Variants in ZNF141 observed in about 807,000 individuals in gnomAD.
ZNF141 encodes the protein zinc finger protein 141, also known as zinc finger protein 141 (clone pHZ-44).
Under a neutral mutation model 11.3 loss-of-function variants are expected in ZNF141, and 7 were observed. That is an observed-to-expected ratio of 0.62 (90% confidence interval 0.35 to 1.16). The LOEUF (loss-of-function observed/expected upper bound fraction) is 1.16. Among genes scored for constraint, ZNF141 ranks in the 50% most tolerant of loss-of-function variants. The pLI, the probability that ZNF141 is intolerant of heterozygous loss-of-function variation, is 0.02. For missense variants in ZNF141, 535 were observed against 554.0 expected (o/e 0.97, Z 0.34); for synonymous variants, 183 against 190.7 (o/e 0.96, Z 0.33).
chr4:372,606 A>C (rs757030924), intron 3 of ZNF141, 58 bp from the exon 4 acceptor site: 2 of 1,348,204 alleles, frequency 1.5e-6, no homozygotes, highest in African/African-American at 2.9e-5. Flanking sequence ...TAAGATTTGT[A>C]AAGTATATTT....
intron 3 of ZNF141, among the ~76,000 whole-genome samples, chr4:367,326 ATG>A (rs1711792509): frequency 6.6e-6 from 1 of 152,048 alleles, no homozygotes; most frequent in Admixed American, 6.6e-5. Context: ...TGTTCTGTTT[ATG>A]TGTGTTCAAT....
intron 3 of ZNF141, among the ~76,000 whole-genome samples, chr4:365,128 C>G (rs1553852788): frequency 6.6e-6 from 1 of 152,198 alleles, no homozygotes; most frequent in East Asian, 1.9e-4. Context: ...GGGTGTGGGA[C>G]CTGGCAAGCC....
chr4:342,568 T>A (rs898264911), intron 1 of ZNF141, among the ~76,000 whole-genome samples: 1 of 152,190 alleles, frequency 6.6e-6, no homozygotes, highest in Non-Finnish European at 1.5e-5. Flanking sequence ...AGAATTTTGT[T>A]ACTTACAGTG....
At chr4:338,341 A>G (rs1720889837) in intron 1 of ZNF141, 3 of 276,562 alleles carry the variant, frequency 1.1e-5, no homozygotes, top group Non-Finnish European at 2.1e-5. Flanking sequence ...CCCTGTTCGG[A>G]ATGAGATCGA....
Position 375,226 on chromosome 4 carries a change from G to A in ZNF141, c.*1364G>A, listed in dbSNP as rs1253407223. ...ACTTCAGAAAATATAGGCCTTTAAA[G>A]TGAAGAAGAGTATTCTTAAGACAAA... On this transcript the variant is annotated 3_prime_UTR_variant, in exon 4 of 4. Coordinates refer to ENST00000240499, the MANE Select transcript of ZNF141 (RefSeq NM_003441.4). The A allele has an allele frequency of 2.0e-5, 3 of 152,042 alleles. No individual in the cohort carries two copies. Among genetic ancestry groups the A allele is most frequent in the African/African-American group, 7.2e-5 (3 of 41,410 alleles). 9.4% of individuals were successfully genotyped at this position (152,042 alleles called of 1,614,324 possible).
intron 3 of ZNF141, among the ~76,000 whole-genome samples, chr4:347,865 T>G (rs574719380): frequency 6.6e-6 from 1 of 152,040 alleles, no homozygotes; most frequent in Non-Finnish European, 1.5e-5. Context: ...TTTTTTTTTT[T>G]GGAGACAGAA....
In ZNF141 at chr4:343,674, G is replaced by A. The variant is rs562017974; in HGVS notation, c.4-108G>A. On this transcript the variant is annotated intron_variant, in intron 1 of 3. Transcript: ENST00000240499. ...TGGGAGGCGGAGCTTGCAGTGAGCCGAGACTGCGCCGCTGCACTCCAGCCT... is the reference window on the plus strand; with the variant it reads ...TGGGAGGCGGAGCTTGCAGTGAGCCAAGACTGCGCCGCTGCACTCCAGCCT... The A allele has an allele frequency of 8.3e-5, 104 of 1,257,074 alleles. 1 individual carries two copies. The South Asian group carries it at 1.2e-3, about 15-fold the overall frequency. The allele number at this position is 1,257,074 out of a possible 1,614,324, so 77.9% of individuals were successfully genotyped here.
chr4:342,978 C>T (rs561726595), intron 1 of ZNF141: 1 of 1,375,484 alleles, frequency 7.3e-7, no homozygotes. Context: ...TTTTTAAAAT[C>T]AGTTCCTTGC....
At chr4:364,599 T>G (rs1711636656) in intron 3 of ZNF141, among the ~76,000 whole-genome samples, 1 of 152,208 alleles carries the variant, frequency 6.6e-6, no homozygotes, top group South Asian at 2.1e-4. Flanking sequence ...TTTATTAGTC[T>G]TTATTACTCT....
chr4:372,364 T>C (rs1308650871), intron 3 of ZNF141, among the ~76,000 whole-genome samples: 2 of 152,202 alleles, frequency 1.3e-5, no homozygotes, highest in African/African-American at 4.8e-5. Flanking sequence ...CAGTGCTATA[T>C]TGGGGAGGAG....
chr4:341,100 G>A (rs1474884749), intron 1 of ZNF141, among the ~76,000 whole-genome samples: 6 of 148,900 alleles, frequency 4.0e-5, no homozygotes, highest in Non-Finnish European at 3.0e-5. Context: ...ACAGAATCTC[G>A]CTCTGTCGCC....
intron 3 of ZNF141, among the ~76,000 whole-genome samples, chr4:366,947 C>T (rs1008328331): frequency 2.6e-5 from 4 of 152,204 alleles, no homozygotes; most frequent in South Asian, 2.1e-4. Context: ...GGATTACAGG[C>T]GTGAGCCACT....
At chr4:341,158 C>T (rs558994861) in intron 1 of ZNF141, among the ~76,000 whole-genome samples, 2 of 152,046 alleles carry the variant, frequency 1.3e-5, no homozygotes, top group East Asian at 3.9e-4. Context: ...ACCTCCGCCT[C>T]CCAGGTTCAA....
chr4:369,236 CTTG>C (rs1312147781), intron 3 of ZNF141, among the ~76,000 whole-genome samples: 1 of 151,956 alleles, frequency 6.6e-6, no homozygotes, highest in Admixed American at 6.6e-5. Context: ...AGTAAATGAA[CTTG>C]TTTATTATTG....
rs782418067 is a variant in ZNF141, at chr4:344,394, A to G, written c.190A>G (p.Asn64Asp). 12 of 1,608,102 alleles carry G rather than the reference A, an allele frequency of 7.5e-6. No homozygotes were observed. Among genetic ancestry groups the G allele is most frequent in the African/African-American group, 5.4e-5 (4 of 74,764 alleles). ...TCTGGAGCAAAGAAAAGAGCCCTAC[A>G]ATGTGAAGATACATAAGATCGTAGC... Reference protein sequence around the residue: ...TCLEQRKEPYNVKIHKIVARP... With the variant: ...TCLEQRKEPYDVKIHKIVARP... Residue 64 changes from asparagine to aspartate, a missense_variant, in exon 3 of 4, where the codon AAT (asparagine) becomes GAT (aspartate). By Grantham distance (23) the Asn-to-Asp change is conservative. Coordinates refer to ENST00000240499, the MANE Select transcript of ZNF141 (RefSeq NM_003441.4).
chr4:370,855 C>T (rs1412965356), intron 3 of ZNF141, among the ~76,000 whole-genome samples: 3 of 151,878 alleles, frequency 2.0e-5, no homozygotes, highest in South Asian at 2.1e-4. Context: ...CTCAGCCTCC[C>T]GCATAGCTGG....
In ZNF141 at chr4:373,941, C is replaced by G. The variant is rs539459960; in HGVS notation, c.*79C>G. ...CTTAATGAACATGAGAAAATTTATA[C>G]TGTAGAGAAACCCTGGAAATGTGAA... On this transcript the variant is annotated 3_prime_UTR_variant, in exon 4 of 4. Transcript: ENST00000240499. 9 of 1,274,330 alleles carry G rather than the reference C, an allele frequency of 7.1e-6. No homozygotes were observed. In the African/African-American group the frequency reaches 9.0e-5, roughly 13 times the overall value. 78.9% of individuals were successfully genotyped at this position (1,274,330 alleles called of 1,614,324 possible).
At position 344,334 on chromosome 4, in the gene ZNF141, G is replaced by A. The variant is rs1553849123; in HGVS notation, c.131-1G>A. ...TTATTATTTTTTTTAAAATAAAACA[G>A]GTGTTGCTATCTCTAACCCAGACCT... is the stretch of plus-strand genomic sequence containing the variant. On this transcript the variant is annotated splice_acceptor_variant, in intron 2 of 3. Transcript: ENST00000240499. LOFTEE classifies it high-confidence loss of function. 9 of 1,605,802 alleles carry A rather than the reference G, an allele frequency of 5.6e-6. No individual in the cohort carries two copies. Among genetic ancestry groups the A allele is most frequent in the Non-Finnish European group, 7.7e-6 (9 of 1,174,418 alleles).
At chr4:359,466 G>C (rs1553851830) in intron 3 of ZNF141, among the ~76,000 whole-genome samples, 1 of 152,164 alleles carries the variant, frequency 6.6e-6, no homozygotes, top group African/African-American at 2.4e-5. Flanking sequence ...AGCTGAGAGG[G>C]TGTGAAACTA....
Sources: allele counts gnomAD v4.1 joint callset (sites outside exome capture counted in the v4.1 genomes callset), GRCh38; gene constraint gnomAD v4.1.1; transcripts MANE v1.5; gene names NCBI Gene and HGNC (gene_info 2026-07-23, HGNC 2026-07-21).